ERBB2: variants seen among roughly 807,000 people sequenced by gnomAD.
ERBB2 encodes receptor tyrosine-protein kinase erbB-2.
A neutral mutation model predicts 149.0 loss-of-function variants in ERBB2; 61 were observed. That is an observed-to-expected ratio of 0.41 (90% CI 0.33 to 0.51). The LOEUF is 0.51. Ranked by LOEUF, ERBB2 falls within the 20% of genes least tolerant of loss-of-function variation. ERBB2 has a pLI of 0.25. For missense variants in ERBB2, 1,205 were observed against 1,655.1 expected, an observed-to-expected ratio of 0.73 and a Z score of 4.72; for synonymous variants, 633 against 678.8, an observed-to-expected ratio of 0.93 and a Z score of 1.05.
At chr17:39,717,299 A>G (rs2145704677) in intron 14 of ERBB2, 21 bp from the exon 15 acceptor site, 1 of 1,582,494 alleles carries the variant, frequency 6.3e-7, no homozygotes, top group South Asian at 1.1e-5. Flanking sequence ...GCCCCCCACA[A>G]ATCTTTTCTG....
At chr17:39,703,284 G>A (rs2058218062) in intron 1 of ERBB2, 1 of 152,304 alleles carries the variant, frequency 6.6e-6, no homozygotes, top group African/African-American at 2.4e-5. Flanking sequence ...TGGGGCCCAG[G>A]GTAGTTGTGC....
rs4252654 is a variant in ERBB2 at position 39,726,914 on chromosome 17, C to T, written c.3070C>T (p.Leu1024=). ...MGDLVDAEEY[L]VPQQGFFCPD... The stretch of plus-strand genomic sequence containing the variant: ...GGACCTGGTGGATGCTGAGGAGTAT[C>T]TGGTACCCCAGCAGGGCTTCTTCTG... Residue 1024 remains leucine (L), a synonymous_variant, in exon 25 of 27, where the codon CTG becomes TTG. Transcript: ENST00000269571. The surrounding 1 kb of genome is among the most constrained non-coding windows in gnomAD (Gnocchi z 5.1). The T allele has an allele frequency of 2.4e-4, 388 of 1,613,892 alleles. 1 individual carries two copies. In the African/African-American group the frequency reaches 4.8e-3, roughly 20 times the overall value.
In ERBB2 at chr17:39,708,446, A is replaced by G. The variant is rs370676964; in HGVS notation, c.351A>G (p.Leu117=). The change falls in exon 3 of 27, where the codon CTA becomes CTG. Residue 117 remains leucine, a synonymous_variant. Coordinates refer to ENST00000269571, the MANE Select transcript of ERBB2 (RefSeq NM_004448.4). ...AGGACAACTATGCCCTGGCCGTGCT[A>G]GACAATGGAGACCCGCTGAACAATA... ...LFEDNYALAV[L]DNGDPLNNTT... is the part of the protein sequence containing the mutation. 2.5e-6 allele frequency: 4 copies of G among 1,614,218 alleles called. No individual in the cohort carries two copies. Among genetic ancestry groups the G allele is most frequent in the Admixed American group, 1.7e-5 (1 of 60,036 alleles).
At chr17:39,709,992 C>G in intron 5 of ERBB2, 94 bp from the exon 6 acceptor site, 1 of 1,499,672 alleles carries the variant, frequency 6.7e-7, no homozygotes, top group Non-Finnish European at 9.2e-7. Context: ...TGGGATGTCT[C>G]CCCTGGGCCA....
At position 39,708,487 on chromosome 17, in the gene ERBB2, G is replaced by A. The variant is rs2145445198; in HGVS notation, c.392G>A (p.Gly131Glu). 5 of 1,614,150 alleles carry A rather than the reference G, an allele frequency of 3.1e-6. No individual in the cohort carries two copies. The highest frequency in any genetic ancestry group is 4.2e-6 in the Non-Finnish European group (5 of 1,180,004). ...CTGAACAATACCACCCCTGTCACAG[G>A]GGCCTCCCCAGGAGGCCTGCGGGAG... Reference protein sequence around the residue: ...DPLNNTTPVTGASPGGLRELQ... With the variant: ...DPLNNTTPVTEASPGGLRELQ... The change falls in exon 3 of 27, where the codon GGG (glycine) becomes GAG (glutamate). Residue 131 changes from glycine to glutamate, a missense_variant. Physicochemically the swap from Gly to Glu is moderately conservative, Grantham distance 98. Transcript: ENST00000269571.
At chr17:39,700,610 G>A (rs967006657) in intron 1 of ERBB2, among the ~76,000 whole-genome samples, 3 of 152,230 alleles carry the variant, frequency 2.0e-5, no homozygotes, top group African/African-American at 7.2e-5. Flanking sequence ...TTCCCGCAAA[G>A]GGTGTATTGC....
In ERBB2 at chr17:39,725,686, C is replaced by G. The variant is rs2143055874; in HGVS notation, c.2726-21C>G. 1 of 1,600,252 alleles carries G rather than the reference C, an allele frequency of 6.2e-7. No homozygotes were observed. Among genetic ancestry groups the G allele is most frequent in the Non-Finnish European group, 8.5e-7 (1 of 1,172,764 alleles). On this transcript the variant is annotated intron_variant, in intron 22 of 26. Transcript: ENST00000269571. The surrounding 1 kb of genome is among the most constrained non-coding windows in gnomAD (Gnocchi z 4.6). ...AAAGCTCCCTCTGGCCCTCCCACTC[C>G]TGACCCTGTCTCTGCCTTAGGTGTG...
intron 15 of ERBB2, 137 bp from the exon 16 acceptor site, chr17:39,719,650 C>A: frequency 1.2e-6 from 1 of 836,834 alleles, no homozygotes; most frequent in Non-Finnish European, 2.1e-6. Context: ...GCACTGACGG[C>A]CTTGAGCCCA....
chr17:39,710,948 C>G (rs2058760579), intron 7 of ERBB2, among the ~76,000 whole-genome samples: 1 of 152,196 alleles, frequency 6.6e-6, no homozygotes, highest in Non-Finnish European at 1.5e-5. Context: ...TTAGTTAGCT[C>G]TATCGCAGTG....
chr17:39,703,967 C>A (rs1406936374), intron 1 of ERBB2, among the ~76,000 whole-genome samples: 3 of 152,206 alleles, frequency 2.0e-5, no homozygotes, highest in African/African-American at 7.2e-5. Context: ...GGAGAGAACC[C>A]ACCTGAGAGA....
intron 7 of ERBB2, 113 bp downstream of exon 7, chr17:39,710,594 A>G (rs2058740463): frequency 1.6e-6 from 2 of 1,262,874 alleles, no homozygotes; most frequent in South Asian, 1.4e-5. Flanking sequence ...TGGTCATGAC[A>G]GTTCCTGCCG....
In ERBB2 at chr17:39,728,380, G is replaced by T; in HGVS notation, c.*336G>T. The T allele has an allele frequency of 3.2e-6, 1 of 308,824 alleles. No individual in the cohort carries two copies. The highest frequency in any genetic ancestry group is 6.0e-6 in the Non-Finnish European group (1 of 166,042). The allele number at this position is 308,824 out of a possible 1,614,324, so 19.1% of individuals were successfully genotyped here. A position where few individuals can be genotyped will look rare whatever the true frequency, so the allele number is the denominator to read the frequency against. On this transcript the variant is annotated 3_prime_UTR_variant, in exon 27 of 27. Transcript: ENST00000269571. Reference sequence around the variant, plus strand: ...AAGCCTTAGGGAAGCTGGCCTGAGAGGGGAAGCGGCCCTAAGGGAGTGTCT... The same window carrying T: ...AAGCCTTAGGGAAGCTGGCCTGAGATGGGAAGCGGCCCTAAGGGAGTGTCT...
intron 1 of ERBB2, among the ~76,000 whole-genome samples, chr17:39,700,561 A>G (rs907307880): frequency 1.3e-5 from 2 of 152,154 alleles, no homozygotes; most frequent in African/African-American, 4.8e-5. Context: ...GGGCTCCGGG[A>G]ACTTGTCAAA....
At chr17:39,688,107 C>T (rs1176343791), upstream of ERBB2, 7 of 1,169,214 alleles carry the variant, frequency 6.0e-6, no homozygotes, top group South Asian at 9.5e-5. Flanking sequence ...CTTTATTCTA[C>T]TCTCCGCTGA....
chr17:39,692,481 C>T (rs1432227333), upstream of ERBB2, among the ~76,000 whole-genome samples: 2 of 151,140 alleles, frequency 1.3e-5, no homozygotes, highest in African/African-American at 4.9e-5. Context: ...TCTTAGCTCA[C>T]TGCAACCTCT....
intron 15 of ERBB2, 89 bp downstream of exon 15, chr17:39,717,569 C>G (rs2059207260): frequency 9.4e-7 from 1 of 1,065,074 alleles, no homozygotes; most frequent in East Asian, 2.6e-5. Context: ...ACCAACTCTC[C>G]CTTTGTCATA....
At position 39,707,021 on chromosome 17, in the gene ERBB2, C is replaced by T. The variant is rs759935065; in HGVS notation, c.105C>T (p.Leu35=). 3.6e-5 allele frequency: 57 copies of T among 1,600,612 alleles called. No homozygotes were observed. The highest frequency in any genetic ancestry group is 4.5e-5 in the Non-Finnish European group (53 of 1,173,668). Residue 35 remains leucine (L), a synonymous_variant, in exon 2 of 27, where the codon CTC becomes CTT. Transcript: ENST00000269571. Reference sequence around the variant, plus strand: ...CCGGCACAGACATGAAGCTGCGGCTCCCTGCCAGTCCCGAGACCCACCTGG... The same window carrying T: ...CCGGCACAGACATGAAGCTGCGGCTTCCTGCCAGTCCCGAGACCCACCTGG... The part of the protein sequence containing the change: ...VCTGTDMKLR[L]PASPETHLDM...
chr17:39,699,781 G>T (rs1424299132), upstream of ERBB2, among the ~76,000 whole-genome samples: 1 of 152,250 alleles, frequency 6.6e-6, no homozygotes, highest in Admixed American at 6.5e-5. Flanking sequence ...CGGACTCCGG[G>T]GGAGGGGGCA....
chr17:39,712,617 A>G (rs1017151018), intron 9 of ERBB2, among the ~76,000 whole-genome samples, 169 bp downstream of exon 9: 21 of 152,102 alleles, frequency 1.4e-4, no homozygotes, highest in Non-Finnish European at 2.5e-4. Context: ...GGTGGGGGTG[A>G]TTATTTTTGT....
Sources: allele counts gnomAD v4.1 joint callset (sites outside exome capture counted in the v4.1 genomes callset), GRCh38; gene constraint gnomAD v4.1.1; non-coding constraint Gnocchi (gnomAD v3.1); transcripts MANE v1.5; gene names NCBI Gene and HGNC (gene_info 2026-07-23, HGNC 2026-07-21).